GALNTL6: variants seen among roughly 807,000 people sequenced by gnomAD.
The protein encoded by GALNTL6 is polypeptide N-acetylgalactosaminyltransferase-like 6.
Under a neutral mutation model 73.7 loss-of-function variants are expected in GALNTL6, and 46 were observed. The ratio of observed to expected loss-of-function variants is 0.62; its 90% CI spans 0.49 to 0.80. GALNTL6 has a LOEUF of 0.80. GALNTL6 is among the 30% of genes least tolerant of loss of function. GALNTL6 has a pLI of 0.00. For missense variants in GALNTL6, 604 were observed against 755.0 expected, an observed-to-expected ratio of 0.80 and a Z score of 2.34; for synonymous variants, 259 against 263.7, an observed-to-expected ratio of 0.98 and a Z score of 0.17.
chr4:172,920,170 A>G (rs972691647), intron 8 of GALNTL6, among the ~76,000 whole-genome samples: 3 of 152,222 alleles, frequency 2.0e-5, no homozygotes, highest in Non-Finnish European at 4.4e-5. Flanking sequence ...TATTCTCATT[A>G]TAGACTATAA....
chr4:171,822,143 T>A (rs1323209416), intron 2 of GALNTL6, among the ~76,000 whole-genome samples: 1 of 152,180 alleles, frequency 6.6e-6, no homozygotes, highest in Non-Finnish European at 1.5e-5. Context: ...TTGTTGTTGC[T>A]GTTTAAATCT....
At chr4:172,727,341 C>A (rs1156363086) in intron 5 of GALNTL6, among the ~76,000 whole-genome samples, 1 of 152,116 alleles carries the variant, frequency 6.6e-6, no homozygotes, top group Non-Finnish European at 1.5e-5. Context: ...TTTTCAAGAG[C>A]TGCCAAATCT....
rs1553989767 is a variant in GALNTL6 at position 172,069,548 on chromosome 4, C to CATATGTGTT, written c.139-160104_139-160103insGTGTTATAT. The stretch of plus-strand genomic sequence containing the variant: ...TATAACACATATATTATATATAACA[C>CATATGTGTT]ATATATGTTATATATAACACATATA... On this transcript the variant is annotated intron_variant, in intron 2 of 12. Coordinates refer to ENST00000506823, the MANE Select transcript of GALNTL6 (RefSeq NM_001034845.3). Among the ~76,000 whole-genome samples, 30 of 42,920 alleles carry CATATGTGTT rather than the reference C, an allele frequency of 7.0e-4. 7 individuals carry two copies. The highest frequency in any genetic ancestry group is 2.7e-3 in the South Asian group (4 of 1,490). 28.2% of individuals were successfully genotyped at this position (42,920 alleles called of 152,430 possible). A position where few individuals can be genotyped will look rare whatever the true frequency, so the allele number is the denominator to read the frequency against.
chr4:172,975,595 C>T (rs1307108977), intron 10 of GALNTL6, among the ~76,000 whole-genome samples: 1 of 152,146 alleles, frequency 6.6e-6, no homozygotes. Context: ...TCACCAGGGA[C>T]CTGTCCCTTT....
At chr4:171,867,826 C>G (rs984314668) in intron 2 of GALNTL6, among the ~76,000 whole-genome samples, 2 of 152,168 alleles carry the variant, frequency 1.3e-5, no homozygotes, top group Non-Finnish European at 2.9e-5. Context: ...TCTCTAACAG[C>G]TCACTACTAT....
intron 5 of GALNTL6, among the ~76,000 whole-genome samples, chr4:172,463,424 T>C (rs909657218): frequency 6.6e-5 from 10 of 151,626 alleles, no homozygotes; most frequent in African/African-American, 2.4e-4. Context: ...ATAATTATAA[T>C]GCCTATATCG....
chr4:172,547,782 T>C (rs1735826268), intron 5 of GALNTL6, among the ~76,000 whole-genome samples: 1 of 152,214 alleles, frequency 6.6e-6, no homozygotes, highest in South Asian at 2.1e-4. Context: ...ATGTAACTTT[T>C]CATTCAGGGA....
At chr4:172,567,813 G>A (rs902399312) in intron 5 of GALNTL6, among the ~76,000 whole-genome samples, 2 of 152,230 alleles carry the variant, frequency 1.3e-5, no homozygotes, top group Non-Finnish European at 2.9e-5. Flanking sequence ...TCTAACCTGG[G>A]TGAGATAGTT....
chr4:172,324,382 T>G (rs1488255253), intron 4 of GALNTL6, among the ~76,000 whole-genome samples: 1 of 151,800 alleles, frequency 6.6e-6, no homozygotes, highest in Non-Finnish European at 1.5e-5. Flanking sequence ...AAAAAAGAAA[T>G]AAATTCACTT....
intron 5 of GALNTL6, among the ~76,000 whole-genome samples, chr4:172,663,644 C>T (rs1337435723): frequency 6.6e-6 from 1 of 152,126 alleles, no homozygotes; most frequent in African/African-American, 2.4e-5. Flanking sequence ...AAAAAGGTGA[C>T]TTGGCTAGGC....
intron 5 of GALNTL6, among the ~76,000 whole-genome samples, chr4:172,651,766 T>A (rs1740486512): frequency 6.6e-6 from 1 of 152,204 alleles, no homozygotes. Context: ...TGAACGATAA[T>A]TAAAGCTACA....
At chr4:172,458,599 G>A (rs914367115) in intron 5 of GALNTL6, among the ~76,000 whole-genome samples, 13 of 152,096 alleles carry the variant, frequency 8.5e-5, no homozygotes, top group Admixed American at 3.9e-4. Flanking sequence ...ACACCTCTAT[G>A]CAAATAAACT....
intron 5 of GALNTL6, among the ~76,000 whole-genome samples, chr4:172,438,195 A>G (rs1051646233): frequency 6.6e-6 from 1 of 152,072 alleles, no homozygotes; most frequent in Non-Finnish European, 1.5e-5. Flanking sequence ...AATCATCTTT[A>G]TAATACCCTT....
intron 2 of GALNTL6, among the ~76,000 whole-genome samples, chr4:171,891,093 C>G (rs1425884557): frequency 6.6e-6 from 1 of 152,098 alleles, no homozygotes; most frequent in Non-Finnish European, 1.5e-5. Flanking sequence ...AAAGTGATTC[C>G]CTGATTTAAA....
intron 2 of GALNTL6, among the ~76,000 whole-genome samples, chr4:171,907,782 G>C (rs1578960928): frequency 1.3e-5 from 2 of 151,364 alleles, no homozygotes; most frequent in Non-Finnish European, 2.9e-5. Flanking sequence ...GCATGGTACT[G>C]TTACCAAAAC....
intron 2 of GALNTL6, among the ~76,000 whole-genome samples, chr4:171,947,277 G>T (rs1042478748): frequency 6.6e-6 from 1 of 151,674 alleles, no homozygotes; most frequent in African/African-American, 2.4e-5. Context: ...AAAATTTCAC[G>T]TCTACTCCAA....
intron 2 of GALNTL6, among the ~76,000 whole-genome samples, chr4:171,976,252 A>C (rs1200482996): frequency 1.3e-5 from 2 of 152,214 alleles, no homozygotes; most frequent in Non-Finnish European, 1.5e-5. Flanking sequence ...CAGACACTAT[A>C]GAATGAGCTT....
At chr4:172,422,438 G>A (rs1731083360) in intron 5 of GALNTL6, among the ~76,000 whole-genome samples, 1 of 151,946 alleles carries the variant, frequency 6.6e-6, no homozygotes, top group Non-Finnish European at 1.5e-5. Context: ...TTGGTTACAG[G>A]AATGTCCAAC....
At chr4:172,691,327 A>G (rs912990774) in intron 5 of GALNTL6, among the ~76,000 whole-genome samples, 3 of 152,184 alleles carry the variant, frequency 2.0e-5, no homozygotes, top group African/African-American at 7.2e-5. Flanking sequence ...ACCATGGGAA[A>G]CTGTCACAGA....
Sources: allele counts gnomAD v4.1 joint callset (sites outside exome capture counted in the v4.1 genomes callset), GRCh38; gene constraint gnomAD v4.1.1; transcripts MANE v1.5; gene names NCBI Gene and HGNC (gene_info 2026-07-23, HGNC 2026-07-21).